VPS54: variants seen among roughly 807,000 people sequenced by gnomAD.
VPS54 encodes the protein VPS54 subunit of GARP complex.
VPS54 carries 45 observed loss-of-function variants against 121.5 expected under a neutral mutation model. That is an observed-to-expected ratio of 0.37 (90% CI 0.29 to 0.47). VPS54 has a LOEUF of 0.47. Ranked by LOEUF, VPS54 falls within the 20% of genes least tolerant of loss-of-function variation. The pLI is 0.99. For missense variants in VPS54, 1,090 were observed against 1,131.4 expected, an observed-to-expected ratio of 0.96 and a Z score of 0.52; for synonymous variants, 371 against 385.8, an observed-to-expected ratio of 0.96 and a Z score of 0.45.
intron 15 of VPS54, among the ~76,000 whole-genome samples, chr2:63,918,759 CCTCTCT>C (rs554840448): frequency 5.9e-5 from 9 of 151,954 alleles, no homozygotes; most frequent in Admixed American, 3.3e-4. Flanking sequence ...TGTAAATCAC[CCTCTCT>C]CTCTAACTTC....
intron 11 of VPS54, among the ~76,000 whole-genome samples, chr2:63,934,833 C>CT (rs1429050538): frequency 6.6e-6 from 1 of 152,098 alleles, no homozygotes; most frequent in Non-Finnish European, 1.5e-5. Flanking sequence ...ATATTGAAAG[C>CT]TAGGCAAATG....
intron 4 of VPS54, among the ~76,000 whole-genome samples, chr2:63,970,727 C>A (rs1027693817): frequency 6.6e-6 from 1 of 152,184 alleles, no homozygotes; most frequent in South Asian, 2.1e-4. Context: ...ACTTTCCTAT[C>A]TCTCTGACCA....
chr2:63,931,628 T>C (rs774006306), intron 12 of VPS54, among the ~76,000 whole-genome samples: 4 of 152,122 alleles, frequency 2.6e-5, no homozygotes, highest in Non-Finnish European at 5.9e-5. Flanking sequence ...CCAAAAGCAA[T>C]GGCAACAAAA....
chr2:63,960,149 C>T (rs1675689107), intron 7 of VPS54, among the ~76,000 whole-genome samples: 1 of 147,674 alleles, frequency 6.8e-6, no homozygotes, highest in African/African-American at 2.5e-5. Context: ...AACAGGGTAG[C>T]AGGGGACTGG....
At chr2:64,006,938 G>A (rs552800502) in intron 1 of VPS54, among the ~76,000 whole-genome samples, 1 of 152,160 alleles carries the variant, frequency 6.6e-6, no homozygotes, top group Non-Finnish European at 1.5e-5. Flanking sequence ...CTTTTTAAAT[G>A]GTCAGCAAAC....
chr2:63,900,735 A>G (rs1234629159), intron 20 of VPS54, among the ~76,000 whole-genome samples: 1 of 151,626 alleles, frequency 6.6e-6, no homozygotes, highest in Non-Finnish European at 1.5e-5. Context: ...AGGACAGGCC[A>G]TATCATCTCA....
chr2:63,955,701 G>A (rs1211188614), intron 7 of VPS54, among the ~76,000 whole-genome samples: 1 of 151,910 alleles, frequency 6.6e-6, no homozygotes, highest in Non-Finnish European at 1.5e-5. Flanking sequence ...TTTTATATAT[G>A]CAAGAATTTG....
intron 20 of VPS54, among the ~76,000 whole-genome samples, chr2:63,908,949 C>T (rs149384641): frequency 6.6e-6 from 1 of 152,288 alleles, no homozygotes; most frequent in African/African-American, 2.4e-5. Flanking sequence ...CAATGAATTG[C>T]CTTAAAATTT....
At chr2:63,968,912 G>C (rs760906178) in intron 5 of VPS54, 45 bp downstream of exon 5, 21 of 1,468,052 alleles carry the variant, frequency 1.4e-5, no homozygotes, top group Non-Finnish European at 2.0e-5. Context: ...CAAAATTAAA[G>C]ATCAAATATT....
intron 1 of VPS54, among the ~76,000 whole-genome samples, chr2:63,997,597 A>C (rs1000709149): frequency 1.5e-4 from 22 of 151,720 alleles, no homozygotes; most frequent in African/African-American, 5.3e-4. Flanking sequence ...TTAGTCTGGC[A>C]AAAGATGTGT....
rs905720724 is a variant in VPS54, at chr2:63,892,298, A to G, written c.*1132T>C. 17 of 152,194 alleles carry G rather than the reference A, an allele frequency of 1.1e-4. No homozygotes were observed. The highest frequency in any genetic ancestry group is 4.1e-4 in the African/African-American group (17 of 41,464). 9.4% of individuals were successfully genotyped at this position (152,194 alleles called of 1,614,324 possible). ...TCATTATACATAATCACCACAGGAT[A>G]TTAGGCACTCTGACAGGGTTAGGCA... On this transcript the variant is annotated 3_prime_UTR_variant, in exon 23 of 23. Transcript: ENST00000272322.
rs758537923 is a variant in VPS54 at position 63,983,814 on chromosome 2, A to T, written c.136+50T>A. 3.9e-6 allele frequency: 6 copies of T among 1,545,002 alleles called. No individual in the cohort carries two copies. In the African/African-American group the frequency reaches 4.2e-5, roughly 11 times the overall value. On this transcript the variant is annotated intron_variant, in intron 2 of 22. Transcript: ENST00000272322. ...TATATAAAACCTGACTACTCATTTA[A>T]AGATAATAGAAATCATCAGTAAAAA...
intron 3 of VPS54, among the ~76,000 whole-genome samples, chr2:63,980,517 C>T (rs964718744): frequency 1.3e-5 from 2 of 151,660 alleles, no homozygotes; most frequent in African/African-American, 2.4e-5. Flanking sequence ...CTATTTATGG[C>T]TTTGTTTGGA....
intron 7 of VPS54, among the ~76,000 whole-genome samples, chr2:63,953,316 A>G (rs980370330): frequency 6.6e-6 from 1 of 151,538 alleles, no homozygotes; most frequent in Non-Finnish European, 1.5e-5. Flanking sequence ...GTTTTTAGTA[A>G]AAGACAGGGT....
At chr2:63,950,029 T>G (rs1241737434) in intron 7 of VPS54, among the ~76,000 whole-genome samples, 3 of 152,196 alleles carry the variant, frequency 2.0e-5, no homozygotes, top group African/African-American at 7.2e-5. Context: ...CTCCGTCAAG[T>G]CATCTTCTGT....
intron 11 of VPS54, among the ~76,000 whole-genome samples, chr2:63,935,004 C>T (rs1384213625): frequency 6.6e-6 from 1 of 152,146 alleles, no homozygotes; most frequent in Non-Finnish European, 1.5e-5. Flanking sequence ...GGGAAGCAGA[C>T]TCTAACTTCG....
At chr2:64,016,712 G>A (rs961326926) in intron 1 of VPS54, among the ~76,000 whole-genome samples, 2 of 151,222 alleles carry the variant, frequency 1.3e-5, no homozygotes, top group African/African-American at 4.9e-5. Flanking sequence ...AGGTTCAAGC[G>A]ATTCGCCAGC....
intron 1 of VPS54, among the ~76,000 whole-genome samples, chr2:64,003,984 G>C (rs1186497701): frequency 2.0e-5 from 3 of 152,110 alleles, no homozygotes; most frequent in African/African-American, 7.2e-5. Context: ...GAAAGAATAA[G>C]TCTACCCTGA....
At chr2:63,922,292 G>A (rs1673683311) in intron 12 of VPS54, among the ~76,000 whole-genome samples, 1 of 152,146 alleles carries the variant, frequency 6.6e-6, no homozygotes, top group South Asian at 2.1e-4. Context: ...GTGTTACCAT[G>A]AGCCAAGTGA....
Sources: allele counts gnomAD v4.1 joint callset (sites outside exome capture counted in the v4.1 genomes callset), GRCh38; gene constraint gnomAD v4.1.1; transcripts MANE v1.5; gene names NCBI Gene and HGNC (gene_info 2026-07-23, HGNC 2026-07-21).